Variants in ADGRL3 observed in about 807,000 individuals in gnomAD.
ADGRL3 encodes the protein calcium-independent alpha-latrotoxin receptor 3.
Under a neutral mutation model 153.5 loss-of-function variants are expected in ADGRL3, and 62 were observed. The observed-to-expected ratio is 0.40, with a 90% confidence interval of 0.33 to 0.50. ADGRL3 has a LOEUF of 0.50. ADGRL3 is among the 20% of genes least tolerant of loss of function. ADGRL3 has a pLI of 0.47. For synonymous variants in ADGRL3, 710 were observed against 672.5 expected (o/e 1.06, Z -0.86); for missense variants, 1,641 against 1,859.4 (o/e 0.88, Z 2.16).
intron 4 of ADGRL3, among the ~76,000 whole-genome samples, chr4:61,560,533 G>A (rs1468563217): frequency 1.3e-5 from 2 of 152,114 alleles, no homozygotes; most frequent in Non-Finnish European, 2.9e-5. Flanking sequence ...CTGAGCACCT[G>A]TAGTAACTAT....
intron 1 of ADGRL3, among the ~76,000 whole-genome samples, chr4:61,298,699 G>A (rs1218953254): frequency 6.6e-6 from 1 of 152,148 alleles, no homozygotes; most frequent in Admixed American, 6.6e-5. Context: ...AAACAGTAGA[G>A]TTCTTTACTT....
chr4:61,900,278 A>G (rs570151145), intron 11 of ADGRL3, among the ~76,000 whole-genome samples: 13 of 152,242 alleles, frequency 8.5e-5, no homozygotes, highest in African/African-American at 3.1e-4. Context: ...TTACATTTAC[A>G]TTTTCTTGAA....
intron 1 of ADGRL3, among the ~76,000 whole-genome samples, chr4:61,207,400 AG>A (rs1177990862): frequency 6.6e-6 from 1 of 152,178 alleles, no homozygotes; most frequent in Non-Finnish European, 1.5e-5. Context: ...ATGGCTGCAT[AG>A]TATTCCATGG....
intron 2 of ADGRL3, chr4:61,420,751 A>G (rs935266169): frequency 1.3e-5 from 2 of 150,128 alleles, no homozygotes; most frequent in Non-Finnish European, 3.0e-5. Context: ...GTAAGTGGAA[A>G]TACTAAAGCA....
At chr4:61,278,369 T>G (rs574941985) in intron 1 of ADGRL3, among the ~76,000 whole-genome samples, 198 of 152,332 alleles carry the variant, frequency 1.3e-3, no homozygotes, top group Middle Eastern at 0.01. Flanking sequence ...AGTAACAAAT[T>G]GAATTTTAGC....
intron 1 of ADGRL3, among the ~76,000 whole-genome samples, chr4:61,292,512 G>T (rs1022673738): frequency 1.3e-5 from 2 of 152,106 alleles, no homozygotes; most frequent in African/African-American, 4.8e-5. Flanking sequence ...ATAGAAACAT[G>T]CCACGTGTGT....
intron 9 of ADGRL3, among the ~76,000 whole-genome samples, chr4:61,823,035 G>A (rs2097769767): frequency 6.6e-6 from 1 of 152,110 alleles, no homozygotes; most frequent in Non-Finnish European, 1.5e-5. Context: ...AGAAAAGAAA[G>A]TCACCGGGAT....
In ADGRL3 at chr4:61,555,454, A is replaced by G. The variant is rs78454108; in HGVS notation, c.260-31773A>G. On this transcript the variant is annotated intron_variant, in intron 4 of 26. Coordinates refer to ENST00000683033, the MANE Select transcript of ADGRL3 (RefSeq NM_001387552.1). ...ATAAAGCCAGAATTGTATTCATTCTACTTCTGTTTCAGTAAATATTAAATG... is the reference window on the plus strand; with the variant it reads ...ATAAAGCCAGAATTGTATTCATTCTGCTTCTGTTTCAGTAAATATTAAATG... 7.6e-4 allele frequency among the ~76,000 whole-genome samples: 115 copies of G among 152,300 alleles called. 4 individuals are homozygous for G. The East Asian group carries it at 0.022, about 29-fold the overall frequency.
intron 1 of ADGRL3, among the ~76,000 whole-genome samples, chr4:61,312,607 G>T (rs1419202435): frequency 6.6e-6 from 1 of 152,092 alleles, no homozygotes; most frequent in Non-Finnish European, 1.5e-5. Flanking sequence ...ACTCACCACA[G>T]AAGATATACA....
At chr4:61,206,186 A>G (rs529967773) in intron 1 of ADGRL3, among the ~76,000 whole-genome samples, 136 of 152,330 alleles carry the variant, frequency 8.9e-4, no homozygotes, top group African/African-American at 3.2e-3. Context: ...CTTAGTTTCA[A>G]TTTTAATGAA....
chr4:61,958,426 T>C (rs2098976138), intron 17 of ADGRL3, among the ~76,000 whole-genome samples: 1 of 151,480 alleles, frequency 6.6e-6, no homozygotes, highest in Admixed American at 6.6e-5. Context: ...TCTTTCTTTA[T>C]TAGAAACCAC....
intron 21 of ADGRL3, among the ~76,000 whole-genome samples, chr4:62,004,156 T>C (rs774960811): frequency 2.0e-5 from 3 of 152,074 alleles, no homozygotes; most frequent in Non-Finnish European, 4.4e-5. Context: ...ATGGACATAT[T>C]CCTGAAAAAT....
intron 4 of ADGRL3, among the ~76,000 whole-genome samples, chr4:61,578,393 A>G (rs980213978): frequency 1.3e-5 from 2 of 152,116 alleles, no homozygotes; most frequent in African/African-American, 2.4e-5. Flanking sequence ...TACCATTGTC[A>G]TATTGCCCTA....
chr4:61,390,525 G>T (rs6856133), intron 2 of ADGRL3, among the ~76,000 whole-genome samples: 2,349 of 152,112 alleles, frequency 0.015, 42 homozygotes, highest in African/African-American at 0.049. Context: ...TTGCAGGAGG[G>T]GGATTTGTTC....
chr4:61,652,957 C>A (rs1468837303), intron 5 of ADGRL3, among the ~76,000 whole-genome samples: 1 of 152,006 alleles, frequency 6.6e-6, no homozygotes, highest in Non-Finnish European at 1.5e-5. Flanking sequence ...ATGTCTGCAT[C>A]TCCCCACCCT....
At chr4:61,450,438 A>G (rs1331063073) in intron 2 of ADGRL3, among the ~76,000 whole-genome samples, 4 of 152,180 alleles carry the variant, frequency 2.6e-5, no homozygotes, top group Non-Finnish European at 5.9e-5. Context: ...ATCTTACAGC[A>G]CAATTATAAG....
intron 25 of ADGRL3, among the ~76,000 whole-genome samples, chr4:62,064,022 A>G (rs1281739449): frequency 6.6e-6 from 1 of 152,124 alleles, no homozygotes. Flanking sequence ...TTAATATTAC[A>G]AGATCAAGAA....
chr4:61,543,377 T>C (rs1021995726), intron 4 of ADGRL3, among the ~76,000 whole-genome samples: 22 of 152,086 alleles, frequency 1.4e-4, no homozygotes, highest in African/African-American at 5.1e-4. Context: ...CACAAGGAGA[T>C]GCAATGTTTG....
intron 9 of ADGRL3, among the ~76,000 whole-genome samples, chr4:61,864,793 G>A (rs2098384013): frequency 6.6e-6 from 1 of 152,154 alleles, no homozygotes; most frequent in Non-Finnish European, 1.5e-5. Flanking sequence ...ACTGAGCTGA[G>A]GGAGTTCTCT....
Sources: allele counts gnomAD v4.1 joint callset (sites outside exome capture counted in the v4.1 genomes callset), GRCh38; gene constraint gnomAD v4.1.1; transcripts MANE v1.5; gene names NCBI Gene and HGNC (gene_info 2026-07-23, HGNC 2026-07-21).